Variants in PAK1 observed in about 807,000 individuals in gnomAD.
The protein encoded by PAK1 is serine/threonine-protein kinase PAK 1.
Under a neutral mutation model 67.4 loss-of-function variants are expected in PAK1, and 29 were observed. The observed-to-expected ratio is 0.43, with a 90% CI of 0.32 to 0.59. The LOEUF is 0.59. PAK1 is among the 20% of genes least tolerant of loss of function. The pLI is 0.07. For missense variants in PAK1, 337 were observed against 670.7 expected (o/e 0.50, Z 5.50); for synonymous variants, 223 against 237.4 (o/e 0.94, Z 0.56).
At chr11:77,450,186 G>C (rs745891765) in intron 1 of PAK1, among the ~76,000 whole-genome samples, 22 of 152,116 alleles carry the variant, frequency 1.4e-4, no homozygotes, top group Non-Finnish European at 3.1e-4. Flanking sequence ...TGAATTAATG[G>C]CTTACATAAA....
At chr11:77,367,156 G>A (rs1947707307) in intron 5 of PAK1, among the ~76,000 whole-genome samples, 1 of 152,168 alleles carries the variant, frequency 6.6e-6, no homozygotes, top group African/African-American at 2.4e-5. Flanking sequence ...AAGACCAGAA[G>A]CAGATCAGTG....
chr11:77,389,813 T>C (rs1411124500), intron 2 of PAK1, among the ~76,000 whole-genome samples: 1 of 152,246 alleles, frequency 6.6e-6, no homozygotes. Flanking sequence ...GTTACCTTTT[T>C]GCTTTCCGGA....
intron 1 of PAK1, among the ~76,000 whole-genome samples, chr11:77,397,719 C>G (rs185876068): frequency 6.6e-6 from 1 of 152,328 alleles, no homozygotes; most frequent in African/African-American, 2.4e-5. Flanking sequence ...CTGGATTCCA[C>G]AGTCACCGGT....
intron 10 of PAK1, 99 bp from the exon 11 acceptor site, chr11:77,340,862 C>T (rs1027428428): frequency 8.1e-6 from 6 of 742,252 alleles, no homozygotes; most frequent in Admixed American, 1.9e-5. Flanking sequence ...AGTGAAACTA[C>T]GTCTTAGCAC....
the PAK1 span, among the ~76,000 whole-genome samples, chr11:77,519,230 T>C: frequency 1.3e-5 from 2 of 152,220 alleles, no homozygotes; most frequent in Non-Finnish European, 2.9e-5. Context: ...TTTTGAGTCT[T>C]AAAATCTACA....
At chr11:77,406,889 C>A (rs562162093) in intron 1 of PAK1, among the ~76,000 whole-genome samples, 1 of 152,230 alleles carries the variant, frequency 6.6e-6, no homozygotes, top group East Asian at 1.9e-4. Context: ...ACATTAACCA[C>A]AATAACAATA....
intron 1 of PAK1, among the ~76,000 whole-genome samples, chr11:77,398,774 CT>C (rs1952189064): frequency 6.6e-6 from 1 of 152,166 alleles, no homozygotes; most frequent in Admixed American, 6.5e-5. Context: ...CAGACCTCAT[CT>C]TTAAACTCTC....
At chr11:77,462,794 TG>T (rs1358902257) in intron 1 of PAK1, among the ~76,000 whole-genome samples, 1 of 147,350 alleles carries the variant, frequency 6.8e-6, no homozygotes, top group Non-Finnish European at 1.5e-5. Flanking sequence ...ACCGTGCCAC[TG>T]CACTCCAGCC....
At chr11:77,508,677 T>TG in the PAK1 span, among the ~76,000 whole-genome samples, 5 of 123,942 alleles carry the variant, frequency 4.0e-5, no homozygotes, top group Non-Finnish European at 8.9e-5. Flanking sequence ...TTTTTTTTTT[T>TG]GCGACGGAGT....
At chr11:77,488,674 CTT>C in the PAK1 span, among the ~76,000 whole-genome samples, 2 of 151,778 alleles carry the variant, frequency 1.3e-5, no homozygotes, top group Non-Finnish European at 2.9e-5. Flanking sequence ...GTGGGAGTCT[CTT>C]AACACAGAAT....
At chr11:77,428,304 C>T (rs904233746) in intron 1 of PAK1, among the ~76,000 whole-genome samples, 2 of 152,106 alleles carry the variant, frequency 1.3e-5, no homozygotes, top group African/African-American at 4.8e-5. Context: ...TGGCTCACAC[C>T]TGTAATCCCA....
intron 1 of PAK1, among the ~76,000 whole-genome samples, chr11:77,434,098 A>T (rs1329026039): frequency 1.3e-5 from 2 of 152,210 alleles, no homozygotes; most frequent in Non-Finnish European, 2.9e-5. Flanking sequence ...AAAAAGTTAA[A>T]CATAGAGTTA....
chr11:77,324,225 T>C (rs1318194730), intron 14 of PAK1, among the ~76,000 whole-genome samples: 2 of 143,230 alleles, frequency 1.4e-5, no homozygotes, highest in African/African-American at 5.5e-5. Flanking sequence ...CAGGCTGGAG[T>C]GCAGTGGTGC....
intron 5 of PAK1, among the ~76,000 whole-genome samples, chr11:77,373,605 A>T (rs2136961893): frequency 6.6e-6 from 1 of 151,368 alleles, no homozygotes; most frequent in South Asian, 2.1e-4. Context: ...TATATGCATC[A>T]CATTTTACTA....
chr11:77,429,375 A>G (rs1955753046), intron 1 of PAK1, among the ~76,000 whole-genome samples: 1 of 152,206 alleles, frequency 6.6e-6, no homozygotes, highest in Admixed American at 6.5e-5. Context: ...AACGAAACGG[A>G]TATTTACATA....
intron 1 of PAK1, among the ~76,000 whole-genome samples, chr11:77,403,490 C>G (rs75409546): frequency 2.0e-5 from 3 of 152,164 alleles, no homozygotes; most frequent in Admixed American, 6.5e-5. Flanking sequence ...CAGAGACAAC[C>G]TTGCTCAAGA....
At chr11:77,372,185 T>C (rs1343332860) in intron 5 of PAK1, among the ~76,000 whole-genome samples, 3 of 152,204 alleles carry the variant, frequency 2.0e-5, no homozygotes, top group African/African-American at 7.2e-5. Flanking sequence ...CATAAAGACA[T>C]TTGAGCCACA....
the PAK1 span, among the ~76,000 whole-genome samples, chr11:77,526,449 A>C: frequency 7.9e-5 from 12 of 152,016 alleles, no homozygotes; most frequent in African/African-American, 1.5e-4. Flanking sequence ...CAAAGGCATA[A>C]GAGTAACATT....
chr11:77,405,710 CA>C (rs1253597708), intron 1 of PAK1, among the ~76,000 whole-genome samples: 4 of 151,056 alleles, frequency 2.6e-5, no homozygotes, highest in African/African-American at 4.9e-5. Context: ...CACACACACA[CA>C]CACCCTTCCC....
Sources: gnomAD v4.1 joint callset for allele counts (sites outside exome capture counted in the v4.1 genomes callset) on GRCh38, gnomAD v4.1.1 for gene constraint, MANE v1.5 for transcripts, NCBI Gene and HGNC (gene_info 2026-07-23, HGNC 2026-07-21) for gene names.